KMT2E: variants seen among roughly 807,000 people sequenced by gnomAD.
KMT2E encodes the protein histone reader KMT2E.
Under a neutral mutation model 184.6 loss-of-function variants are expected in KMT2E, and 30 were observed. That is an observed-to-expected ratio of 0.16 (90% CI 0.12 to 0.22). KMT2E has a LOEUF of 0.22. KMT2E is among the 10% of genes least tolerant of loss of function. The pLI, the probability that KMT2E is intolerant of heterozygous loss-of-function variation, is 1.00. For synonymous variants in KMT2E, 815 were observed against 776.5 expected, an observed-to-expected ratio of 1.05 and a Z score of -0.82; for missense variants, 2,023 against 2,237.4, an observed-to-expected ratio of 0.90 and a Z score of 1.93.
At chr7:105,072,816 G>A (rs1269740845) in intron 6 of KMT2E, among the ~76,000 whole-genome samples, 1 of 152,076 alleles carries the variant, frequency 6.6e-6, no homozygotes, top group East Asian at 1.9e-4. Context: ...TTGGGAGGCT[G>A]AGGCAGGGAA....
intron 1 of KMT2E, among the ~76,000 whole-genome samples, chr7:105,017,870 C>T (rs950491415): frequency 6.6e-6 from 1 of 152,130 alleles, no homozygotes; most frequent in Admixed American, 6.6e-5. Context: ...CTTGACAGGT[C>T]TCCATTTCCC....
At chr7:105,037,395 C>T (rs902659650) in intron 1 of KMT2E, among the ~76,000 whole-genome samples, 12 of 151,872 alleles carry the variant, frequency 7.9e-5, no homozygotes, top group African/African-American at 1.9e-4. Context: ...CAGGGTCTCC[C>T]TCTGTCAGCC....
intron 1 of KMT2E, among the ~76,000 whole-genome samples, chr7:105,022,693 G>C (rs191619367): frequency 2.0e-5 from 3 of 152,192 alleles, no homozygotes; most frequent in South Asian, 4.1e-4. Context: ...AGTTTTTACT[G>C]TGTTGGTTGT....
chr7:105,040,486 A>G (rs1415370821), intron 2 of KMT2E, among the ~76,000 whole-genome samples: 3 of 152,188 alleles, frequency 2.0e-5, no homozygotes, highest in African/African-American at 7.2e-5. Context: ...AGTACTCAGT[A>G]TTTGGTAGTA....
intron 23 of KMT2E, among the ~76,000 whole-genome samples, chr7:105,110,051 T>C (rs1584811102): frequency 6.6e-6 from 1 of 152,032 alleles, no homozygotes; most frequent in Non-Finnish European, 1.5e-5. Flanking sequence ...GCCAGGCTGG[T>C]CTCAGACTCC....
chr7:105,025,496 T>A (rs1447359917), intron 1 of KMT2E, among the ~76,000 whole-genome samples: 2 of 152,166 alleles, frequency 1.3e-5, no homozygotes, highest in East Asian at 3.8e-4. Flanking sequence ...CTAAAATGTT[T>A]TATGTAGGTA....
intron 3 of KMT2E, among the ~76,000 whole-genome samples, chr7:105,056,628 A>G (rs1167079444): frequency 6.6e-6 from 1 of 152,218 alleles, no homozygotes; most frequent in Non-Finnish European, 1.5e-5. Flanking sequence ...TATTTAAAAC[A>G]GGTGTCATTG....
chr7:105,071,601 T>C (rs1234151849), intron 6 of KMT2E, among the ~76,000 whole-genome samples: 1 of 84,226 alleles, frequency 1.2e-5, no homozygotes, highest in Non-Finnish European at 2.3e-5. Context: ...TATATATATA[T>C]ATATATATTT....
At position 105,040,880 on chromosome 7, in the gene KMT2E, C is replaced by A; in HGVS notation, c.-73C>A. On this transcript the variant is annotated 5_prime_UTR_variant, in exon 3 of 27. It adds an upstream start codon to the 5' untranslated region. Coordinates refer to ENST00000311117, the MANE Select transcript of KMT2E (RefSeq NM_182931.3). ...TAGATGTTTGCAATGAGCACTGTGGCTGGCATGCCCCAGTGTTTTGGATAC... is the reference window on the plus strand; with the variant it reads ...TAGATGTTTGCAATGAGCACTGTGGATGGCATGCCCCAGTGTTTTGGATAC... 9.2e-7 allele frequency: 1 copy of A among 1,084,690 alleles called. No homozygotes were observed. The highest frequency in any genetic ancestry group is 1.4e-6 in the Non-Finnish European group (1 of 718,320). 67.2% of individuals were successfully genotyped at this position (1,084,690 alleles called of 1,614,324 possible). A position where few individuals can be genotyped will look rare whatever the true frequency, so the allele number is the denominator to read the frequency against.
intron 15 of KMT2E, among the ~76,000 whole-genome samples, chr7:105,097,380 TTTA>T (rs1197628358): frequency 6.6e-6 from 1 of 152,104 alleles, no homozygotes; most frequent in African/African-American, 2.4e-5. Flanking sequence ...AGGGAACCTG[TTTA>T]TTATTTTTTT....
At chr7:105,030,707 AG>A (rs1370921815) in intron 1 of KMT2E, among the ~76,000 whole-genome samples, 1 of 152,176 alleles carries the variant, frequency 6.6e-6, no homozygotes, top group Non-Finnish European at 1.5e-5. Flanking sequence ...GAGAATCTCT[AG>A]GGTAAGGCCT....
intron 3 of KMT2E, among the ~76,000 whole-genome samples, chr7:105,045,823 C>A (rs1796078032): frequency 6.6e-6 from 1 of 152,186 alleles, no homozygotes; most frequent in Admixed American, 6.5e-5. Flanking sequence ...AGTGGAATTG[C>A]TAGGTCATAA....
intron 26 of KMT2E, 22 bp from the exon 27 acceptor site, chr7:105,111,803 A>G (rs930475361): frequency 3.2e-6 from 5 of 1,584,788 alleles, no homozygotes; most frequent in South Asian, 2.3e-5. Context: ...TTGAATGTAT[A>G]TAATTTGTTT....
intron 3 of KMT2E, among the ~76,000 whole-genome samples, chr7:105,052,998 G>A (rs566295324): frequency 1.2e-4 from 19 of 152,084 alleles, no homozygotes; most frequent in Non-Finnish European, 2.5e-4. Context: ...ACAGCTAAAC[G>A]TATTTTATAG....
intron 3 of KMT2E, among the ~76,000 whole-genome samples, chr7:105,052,395 C>T (rs183618299): frequency 2.8e-4 from 42 of 152,120 alleles, no homozygotes; most frequent in Non-Finnish European, 4.9e-4. Context: ...TCATTGCTGC[C>T]GTGCTTTATA....
intron 1 of KMT2E, among the ~76,000 whole-genome samples, chr7:105,016,010 T>C (rs1794702324): frequency 1.3e-5 from 2 of 152,260 alleles, no homozygotes; most frequent in African/African-American, 4.8e-5. Flanking sequence ...AGTTTTTGTT[T>C]GGTTTAATCC....
At chr7:105,072,696 A>G (rs958633907) in intron 6 of KMT2E, among the ~76,000 whole-genome samples, 2 of 152,094 alleles carry the variant, frequency 1.3e-5, no homozygotes, top group Non-Finnish European at 2.9e-5. Context: ...TGGGCAGATC[A>G]CCTTAGGCCA....
chr7:105,017,841 T>C (rs1794781520), intron 1 of KMT2E, among the ~76,000 whole-genome samples: 2 of 152,184 alleles, frequency 1.3e-5, no homozygotes, highest in African/African-American at 2.4e-5. Flanking sequence ...TCTCTCTGAT[T>C]CCAGTTTAAG....
chr7:105,098,328 C>G (rs138448607), intron 15 of KMT2E, among the ~76,000 whole-genome samples: 1 of 151,676 alleles, frequency 6.6e-6, no homozygotes, highest in Non-Finnish European at 1.5e-5. Flanking sequence ...CAGCCTCCAA[C>G]TCCTGGACTC....
Sources: gnomAD v4.1 joint callset for allele counts (sites outside exome capture counted in the v4.1 genomes callset) on GRCh38, gnomAD v4.1.1 for gene constraint, MANE v1.5 for transcripts, NCBI Gene and HGNC (gene_info 2026-07-23, HGNC 2026-07-21) for gene names.